DSCAM: variants seen among roughly 807,000 people sequenced by gnomAD.
The protein encoded by DSCAM is DS cell adhesion molecule.
Under a neutral mutation model 217.7 loss-of-function variants are expected in DSCAM, and 47 were observed. The ratio of observed to expected loss-of-function variants is 0.22; its 90% CI spans 0.17 to 0.28. The LOEUF (loss-of-function observed/expected upper bound fraction) is 0.28. Ranked by LOEUF, DSCAM falls within the 10% of genes least tolerant of loss-of-function variation. DSCAM has a pLI of 1.00. For synonymous variants in DSCAM, 1,056 were observed against 1,015.3 expected (o/e 1.04, Z -0.76); for missense variants, 2,080 against 2,618.3 (o/e 0.79, Z 4.49).
intron 3 of DSCAM, among the ~76,000 whole-genome samples, chr21:40,393,010 A>C (rs1018970590): frequency 1.2e-4 from 19 of 152,236 alleles, no homozygotes; most frequent in African/African-American, 4.3e-4. Flanking sequence ...GTTAGATATC[A>C]GGCAAATTTT....
chr21:40,675,483 T>C (rs2090328088), intron 3 of DSCAM, among the ~76,000 whole-genome samples: 1 of 152,228 alleles, frequency 6.6e-6, no homozygotes, highest in South Asian at 2.1e-4. Context: ...AATAACTTCG[T>C]TTCTGTAACT....
chr21:40,300,267 CT>C (rs2074000361), intron 9 of DSCAM, among the ~76,000 whole-genome samples: 1 of 152,202 alleles, frequency 6.6e-6, no homozygotes, highest in Admixed American at 6.5e-5. Context: ...GTACCTGTTC[CT>C]GTTCACCATC....
Position 40,274,868 on chromosome 21 carries a change from C to T in DSCAM, c.2356+1229G>A, listed in dbSNP as rs569365937. On this transcript the variant is annotated intron_variant, in intron 11 of 32. Transcript: ENST00000400454. ...AGTGGACTAACTAAAATAAATTCTT[C>T]GTGAGTTAGGATGGATACTTGTCTG... is the stretch of plus-strand genomic sequence containing the variant. Among the ~76,000 whole-genome samples, 5 of 152,232 alleles carry T rather than the reference C, an allele frequency of 3.3e-5. No individual in the cohort carries two copies. In the East Asian group the frequency reaches 5.8e-4, roughly 18 times the overall value.
intron 3 of DSCAM, among the ~76,000 whole-genome samples, chr21:40,411,836 A>T (rs1438594064): frequency 6.6e-6 from 1 of 152,164 alleles, no homozygotes; most frequent in Non-Finnish European, 1.5e-5. Context: ...GTTTCTCATA[A>T]AACCACAAAC....
At chr21:40,406,586 T>C (rs1011423318) in intron 3 of DSCAM, among the ~76,000 whole-genome samples, 1 of 151,738 alleles carries the variant, frequency 6.6e-6, no homozygotes, top group Non-Finnish European at 1.5e-5. Context: ...ATGTAAAACG[T>C]TTTTGTTTGT....
At chr21:40,147,873 G>T (rs567256489) in intron 16 of DSCAM, among the ~76,000 whole-genome samples, 1 of 151,990 alleles carries the variant, frequency 6.6e-6, no homozygotes, top group Admixed American at 6.5e-5. Flanking sequence ...ATTGTTTCCA[G>T]GTTTATTTAC....
chr21:40,274,465 T>C (rs1335943303), intron 11 of DSCAM, among the ~76,000 whole-genome samples: 1 of 152,200 alleles, frequency 6.6e-6, no homozygotes, highest in East Asian at 1.9e-4. Context: ...GGGTCTTATA[T>C]ATATTGGGTC....
At chr21:40,227,272 G>T (rs958131556) in intron 11 of DSCAM, among the ~76,000 whole-genome samples, 1 of 152,186 alleles carries the variant, frequency 6.6e-6, no homozygotes, top group Non-Finnish European at 1.5e-5. Flanking sequence ...CATTTGGAAG[G>T]CTTCGAGCTT....
chr21:40,724,608 G>A (rs1002580380), intron 1 of DSCAM, among the ~76,000 whole-genome samples: 7 of 152,194 alleles, frequency 4.6e-5, no homozygotes, highest in South Asian at 2.1e-4. Context: ...GGAGGAGGAC[G>A]TTAACCAAAG....
In DSCAM at chr21:40,403,662, C is replaced by CA. The variant is rs1555914019; in HGVS notation, c.509-34418dup. 1.1e-4 allele frequency among the ~76,000 whole-genome samples: 16 copies of CA among 141,932 alleles called. 1 individual carries two copies. The highest frequency in any genetic ancestry group is 3.8e-4 in the African/African-American group (15 of 39,654). 93.1% of individuals were successfully genotyped at this position (141,932 alleles called of 152,430 possible). On this transcript the variant is annotated intron_variant, in intron 3 of 32. Coordinates refer to ENST00000400454, the MANE Select transcript of DSCAM (RefSeq NM_001389.5). ...ACACACACACACACACACACACACA[C>CA]AATACACATGCCCTTCTCTCTGTAG... is the stretch of plus-strand genomic sequence containing the variant.
chr21:40,606,915 C>T (rs971834754), intron 3 of DSCAM, among the ~76,000 whole-genome samples: 11 of 152,126 alleles, frequency 7.2e-5, no homozygotes, highest in Non-Finnish European at 1.5e-4. Context: ...TTATAAAGGG[C>T]GAGTTTCCCT....
chr21:40,507,583 G>T (rs2076219748), intron 3 of DSCAM, among the ~76,000 whole-genome samples: 1 of 152,034 alleles, frequency 6.6e-6, no homozygotes, highest in South Asian at 2.1e-4. Flanking sequence ...TCGAGCTCAG[G>T]AGTTTGAGAC....
chr21:40,508,388 C>T lies in DSCAM; in HGVS notation c.509-139143G>A, dbSNP rs76966889. On this transcript the variant is annotated intron_variant, in intron 3 of 32. Transcript: ENST00000400454. ...ATCAAAAAGAGAAGGGAAAAGATCT[C>T]AAAAGTCTGTTTTTGGATTATTAGA... Among the ~76,000 whole-genome samples, 975 of 152,076 alleles carry T rather than the reference C, an allele frequency of 6.4e-3. 9 individuals carry two copies. The highest frequency in any genetic ancestry group is 0.034 in the Middle Eastern group (10 of 294).
At chr21:40,635,423 A>G (rs2089744520) in intron 3 of DSCAM, among the ~76,000 whole-genome samples, 1 of 152,224 alleles carries the variant, frequency 6.6e-6, no homozygotes. Flanking sequence ...AGGTAAAGAA[A>G]GATTTAGAAA....
At chr21:40,419,419 G>T (rs1160246089) in intron 3 of DSCAM, among the ~76,000 whole-genome samples, 1 of 152,104 alleles carries the variant, frequency 6.6e-6, no homozygotes, top group Non-Finnish European at 1.5e-5. Context: ...AAATATAGGG[G>T]TAAAGAAAGT....
chr21:40,484,777 A>AG, intron 3 of DSCAM, among the ~76,000 whole-genome samples: 4 of 152,190 alleles, frequency 2.6e-5, no homozygotes, highest in African/African-American at 9.7e-5. Flanking sequence ...TACCTGTTTT[A>AG]TACAGGGAGA....
At chr21:40,158,735 T>C (rs1053517671) in intron 16 of DSCAM, among the ~76,000 whole-genome samples, 6 of 152,246 alleles carry the variant, frequency 3.9e-5, no homozygotes, top group African/African-American at 7.2e-5. Flanking sequence ...AAATTGTTAC[T>C]GGCAGGCAAA....
Position 40,218,508 on chromosome 21 carries a change from T to A in DSCAM, c.2357-29270A>T, listed in dbSNP as rs576413099. Among the ~76,000 whole-genome samples the A allele has an allele frequency of 7.2e-5, 11 of 152,248 alleles. No homozygotes were observed. The South Asian group carries it at 8.3e-4, about 11-fold the overall frequency. On this transcript the variant is annotated intron_variant, in intron 11 of 32. Coordinates refer to ENST00000400454, the MANE Select transcript of DSCAM (RefSeq NM_001389.5). ...TTTGGTTCCATATGAATTTCAAAAA[T>A]TTTTTTCTAGTTCTGTGAAGAATGT...
At position 40,037,032 on chromosome 21, in the gene DSCAM, T is replaced by C. The variant is rs1359626975; in HGVS notation, c.5686+5339A>G. ...GGACGTATTTCAAAATAATAAGAGC[T>C]ATCTATGACAAACCCACAGCCAATA... On this transcript the variant is annotated intron_variant, in intron 32 of 32. Transcript: ENST00000400454. Among the ~76,000 whole-genome samples the C allele has an allele frequency of 2.0e-5, 3 of 150,228 alleles. No homozygotes were observed. In the East Asian group the frequency reaches 5.8e-4, roughly 29 times the overall value.
Sources: gnomAD v4.1 joint callset for allele counts (sites outside exome capture counted in the v4.1 genomes callset) on GRCh38, gnomAD v4.1.1 for gene constraint, MANE v1.5 for transcripts, NCBI Gene and HGNC (gene_info 2026-07-23, HGNC 2026-07-21) for gene names.